Variants in VPS54 observed in about 807,000 individuals in gnomAD.
The protein encoded by VPS54 is VPS54 subunit of GARP complex, also known as vacuolar protein sorting-associated protein 54.
VPS54 carries 45 observed loss-of-function variants against 121.5 expected under a neutral mutation model. The ratio of observed to expected loss-of-function variants is 0.37; its 90% CI spans 0.29 to 0.47. VPS54 has a LOEUF of 0.47. VPS54 is among the 20% of genes least tolerant of loss of function. The pLI, the probability that VPS54 is intolerant of heterozygous loss-of-function variation, is 0.99. For synonymous variants in VPS54, 371 were observed against 385.8 expected (o/e 0.96, Z 0.45); for missense variants, 1,090 against 1,131.4 (o/e 0.96, Z 0.52).
At position 63,933,744 on chromosome 2, in the gene VPS54, T is replaced by C. The variant is rs1481145548; in HGVS notation, c.1668A>G (p.Glu556=). The change falls in exon 12 of 23, where the codon GAA becomes GAG. Residue 556 remains glutamate, a synonymous_variant. Transcript: ENST00000272322. The stretch of plus-strand genomic sequence containing the variant: ...TGCTGGATGAAGAATCAGTAGTACA[T>C]TCTGGCTCGGATACAGAATCACTGC... ...PCSSDSVSEP[E]CTTDSSSSKE... The C allele has an allele frequency of 6.2e-7, 1 of 1,613,868 alleles. No individual in the cohort carries two copies. Among genetic ancestry groups the C allele is most frequent in the Non-Finnish European group, 8.5e-7 (1 of 1,179,802 alleles).
chr2:63,894,498 TTAAGAC>T (rs1558972854), intron 22 of VPS54, among the ~76,000 whole-genome samples: 1 of 152,078 alleles, frequency 6.6e-6, no homozygotes, highest in African/African-American at 2.4e-5. Context: ...GCTCAGGAGT[TTAAGAC>T]CAGCCTGGGC....
chr2:63,989,147 C>A (rs374382972), intron 1 of VPS54, among the ~76,000 whole-genome samples: 1 of 152,084 alleles, frequency 6.6e-6, no homozygotes, highest in African/African-American at 2.4e-5. Flanking sequence ...GTAGTCAGAC[C>A]GGCTATCTTC....
chr2:63,911,707 G>T (rs957052719), intron 20 of VPS54, among the ~76,000 whole-genome samples: 8 of 152,168 alleles, frequency 5.3e-5, no homozygotes, highest in African/African-American at 1.9e-4. Context: ...GCAAATCAAA[G>T]TTCTTTGCTA....
chr2:63,944,488 T>G (rs761964372), intron 10 of VPS54, 112 bp downstream of exon 10: 90 of 1,014,950 alleles, frequency 8.9e-5, no homozygotes, highest in Non-Finnish European at 1.1e-4. Context: ...TCCTACACCC[T>G]GCTCACACCT....
In VPS54 at chr2:63,971,535, T is replaced by C. The variant is rs536019243; in HGVS notation, c.457+631A>G. ...AATATTCTGTTCTCTCTTTATTCTA[T>C]GGCTTTGTATAAACTATTCCCTTTT... On this transcript the variant is annotated intron_variant, in intron 4 of 22. Transcript: ENST00000272322. Among the ~76,000 whole-genome samples the C allele has an allele frequency of 1.6e-4, 24 of 152,342 alleles. 1 individual carries two copies. The South Asian group carries it at 4.3e-3, about 28-fold the overall frequency.
At chr2:64,018,504 G>T (rs142818824) in intron 1 of VPS54, among the ~76,000 whole-genome samples, 4 of 152,254 alleles carry the variant, frequency 2.6e-5, no homozygotes, top group African/African-American at 9.6e-5. Context: ...TAACTCTTTG[G>T]GTTAGCCTTC....
intron 12 of VPS54, among the ~76,000 whole-genome samples, chr2:63,923,328 T>A (rs750401113): frequency 2.0e-5 from 3 of 151,422 alleles, no homozygotes; most frequent in Admixed American, 6.6e-5. Flanking sequence ...GAAAAAAAAA[T>A]TATTTTTTAA....
chr2:64,017,824 T>C (rs1463427880), intron 1 of VPS54, among the ~76,000 whole-genome samples: 1 of 152,204 alleles, frequency 6.6e-6, no homozygotes, highest in Non-Finnish European at 1.5e-5. Flanking sequence ...CAACTATCAA[T>C]TACAGCTACT....
intron 5 of VPS54, among the ~76,000 whole-genome samples, chr2:63,967,495 C>G (rs1174378058): frequency 6.6e-6 from 1 of 151,870 alleles, no homozygotes; most frequent in Non-Finnish European, 1.5e-5. Context: ...GGGCGGATCA[C>G]TTGAAGTCAG....
chr2:63,947,453 T>C lies in VPS54; in HGVS notation c.1175A>G (p.Gln392Arg), dbSNP rs1381898626. ...GATTTCTAAAAAATTAAGCTTTCTT[T>C]GTTTTAAAAGTCCAAATACAAGAGA... Reference protein sequence around the residue: ...LISLVFGLLKQRKLNFLEIYG... With the variant: ...LISLVFGLLKRRKLNFLEIYG... Residue 392 changes from glutamine to arginine, a missense_variant, in exon 9 of 23, where the codon CAA (glutamine) becomes CGA (arginine). By Grantham distance (43) the Gln-to-Arg change is conservative (BLOSUM62 1). This residue lies in a region of VPS54 where 801 missense variants were observed against 757.0 expected (regional missense o/e 1.06). Transcript: ENST00000272322. 1 of 1,546,252 alleles carries C rather than the reference T, an allele frequency of 6.5e-7. No individual in the cohort carries two copies. Among genetic ancestry groups the C allele is most frequent in the Non-Finnish European group, 8.9e-7 (1 of 1,129,664 alleles).
intron 3 of VPS54, among the ~76,000 whole-genome samples, chr2:63,973,796 C>T (rs956732314): frequency 6.6e-6 from 1 of 152,178 alleles, no homozygotes; most frequent in African/African-American, 2.4e-5. Flanking sequence ...TCTTCCACCT[C>T]CACCTCCCAA....
At chr2:63,932,102 T>C (rs961507246) in intron 12 of VPS54, among the ~76,000 whole-genome samples, 6 of 152,224 alleles carry the variant, frequency 3.9e-5, no homozygotes, top group Non-Finnish European at 8.8e-5. Context: ...GTGTGGCGAT[T>C]CTTCAAGGAT....
At chr2:63,947,880 A>G (rs1202516827) in intron 8 of VPS54, among the ~76,000 whole-genome samples, 2 of 152,086 alleles carry the variant, frequency 1.3e-5, no homozygotes, top group Non-Finnish European at 2.9e-5. Flanking sequence ...TCTGTTGCCA[A>G]GGCTGGAGTG....
chr2:63,974,175 GTA>G (rs1432380942), intron 3 of VPS54, among the ~76,000 whole-genome samples: 4 of 152,162 alleles, frequency 2.6e-5, no homozygotes, highest in Admixed American at 2.0e-4. Context: ...GTATGTGGAT[GTA>G]TAGTTGTTTC....
intron 1 of VPS54, among the ~76,000 whole-genome samples, chr2:64,009,840 A>G (rs1375013096): frequency 8.3e-6 from 1 of 121,154 alleles, no homozygotes; most frequent in Admixed American, 9.0e-5. Context: ...ATTCCATATA[A>G]TTGACCCTTT....
intron 19 of VPS54, 44 bp downstream of exon 19, chr2:63,912,496 A>T (rs139787198): frequency 0.012 from 19,429 of 1,609,942 alleles, 140 homozygotes; most frequent in Non-Finnish European, 0.015. Flanking sequence ...ACAATTAAGG[A>T]TCTAAACTTA....
intron 1 of VPS54, among the ~76,000 whole-genome samples, chr2:63,995,618 A>G (rs1677545114): frequency 6.6e-6 from 1 of 152,250 alleles, no homozygotes; most frequent in Non-Finnish European, 1.5e-5. Flanking sequence ...CCAAATGTTG[A>G]ATTCTCAACA....
At chr2:63,977,756 T>C (rs958587600) in intron 3 of VPS54, among the ~76,000 whole-genome samples, 2 of 152,264 alleles carry the variant, frequency 1.3e-5, no homozygotes, top group Non-Finnish European at 2.9e-5. Context: ...TGGTATGCAC[T>C]GTAATGTTTT....
At chr2:63,970,337 A>G (rs1027335779) in intron 4 of VPS54, among the ~76,000 whole-genome samples, 3 of 147,718 alleles carry the variant, frequency 2.0e-5, no homozygotes, top group Non-Finnish European at 3.0e-5. Flanking sequence ...GACCAGGTTG[A>G]GGGAAGGGCA....
Sources: allele counts gnomAD v4.1 joint callset (sites outside exome capture counted in the v4.1 genomes callset), GRCh38; gene constraint gnomAD v4.1.1; regional missense constraint gnomAD v4.1.1; transcripts MANE v1.5; gene names NCBI Gene and HGNC (gene_info 2026-07-23, HGNC 2026-07-21).